The following BPTF variants were observed in gnomAD, a reference collection of about 807,000 sequenced individuals.
BPTF encodes nucleosome-remodeling factor subunit BPTF.
In BPTF, 18 loss-of-function variants were observed where a neutral mutation model predicts 292.5. The ratio of observed to expected loss-of-function variants is 0.06; its 90% CI spans 0.04 to 0.09. The LOEUF is 0.09. Ranked by LOEUF, BPTF falls within the 10% of genes least tolerant of loss-of-function variation. The pLI, the probability that BPTF is intolerant of heterozygous loss-of-function variation, is 1.00. For synonymous variants in BPTF, 1,225 were observed against 1,251.9 expected, an observed-to-expected ratio of 0.98 and a Z score of 0.45; for missense variants, 2,726 against 3,498.7, an observed-to-expected ratio of 0.78 and a Z score of 5.57.
intron 27 of BPTF, among the ~76,000 whole-genome samples, chr17:67,976,685 C>CAAAAAA (rs1156404121): frequency 1.8e-3 from 45 of 24,740 alleles, no homozygotes; most frequent in African/African-American, 3.0e-3. Flanking sequence ...GACCCTGTCT[C>CAAAAAA]AAAAAAAAAA....
chr17:67,878,616 A>G (rs1423208072), intron 4 of BPTF, among the ~76,000 whole-genome samples: 5 of 151,982 alleles, frequency 3.3e-5, no homozygotes, highest in African/African-American at 1.2e-4. Context: ...ATGTAGGGAT[A>G]TTTTACTGTT....
At chr17:67,945,133 G>A (rs552927746) in intron 20 of BPTF, among the ~76,000 whole-genome samples, 1 of 152,240 alleles carries the variant, frequency 6.6e-6, no homozygotes, top group Non-Finnish European at 1.5e-5. Context: ...ACTCCTGGAC[G>A]CAAGCAATCC....
intron 15 of BPTF, among the ~76,000 whole-genome samples, chr17:67,926,192 G>A (rs12952034): frequency 6.6e-6 from 1 of 150,564 alleles, no homozygotes; most frequent in African/African-American, 2.4e-5. Context: ...GTTTTTTGTA[G>A]AGATAGGACT....
At chr17:67,930,292 G>A (rs2147490159) in intron 17 of BPTF, among the ~76,000 whole-genome samples, 1 of 152,134 alleles carries the variant, frequency 6.6e-6, no homozygotes, top group Middle Eastern at 3.4e-3. Flanking sequence ...TCCACCTCCT[G>A]GGTTCAAGCG....
At chr17:67,948,336 C>A in intron 23 of BPTF, 30 bp downstream of exon 23, 2 of 1,568,106 alleles carry the variant, frequency 1.3e-6, no homozygotes, top group South Asian at 1.2e-5. Context: ...TCTTCTGTGT[C>A]CAGTGTTTAA....
chr17:67,973,287 T>C (rs1341638695), intron 26 of BPTF, among the ~76,000 whole-genome samples: 3 of 150,082 alleles, frequency 2.0e-5, no homozygotes, highest in Non-Finnish European at 4.4e-5. Flanking sequence ...GGCAGGAGAA[T>C]GGCCTGAACC....
chr17:67,958,382 G>A (rs782116098), intron 23 of BPTF, among the ~76,000 whole-genome samples: 2 of 152,084 alleles, frequency 1.3e-5, no homozygotes, highest in South Asian at 2.1e-4. Flanking sequence ...CCAAGATGGC[G>A]ATGAAAGTGA....
chr17:67,829,815 A>G (rs2056498378), intron 1 of BPTF, among the ~76,000 whole-genome samples: 1 of 152,200 alleles, frequency 6.6e-6, no homozygotes, highest in Non-Finnish European at 1.5e-5. Context: ...TACTGACGTG[A>G]CATTCCTAAC....
At chr17:67,841,470 A>G (rs1204509740) in intron 1 of BPTF, among the ~76,000 whole-genome samples, 1 of 152,170 alleles carries the variant, frequency 6.6e-6, no homozygotes, top group East Asian at 1.9e-4. Flanking sequence ...AGTATTTTAT[A>G]TTAGCAGTAA....
intron 27 of BPTF, among the ~76,000 whole-genome samples, chr17:67,977,388 G>A (rs141757726): frequency 1.8e-3 from 277 of 152,086 alleles, no homozygotes; most frequent in African/African-American, 6.3e-3. Flanking sequence ...AATGGTGCAC[G>A]CCTGTAGTCT....
intron 3 of BPTF, among the ~76,000 whole-genome samples, chr17:67,868,614 G>A (rs557205497): frequency 7.9e-5 from 12 of 152,314 alleles, no homozygotes; most frequent in Non-Finnish European, 1.6e-4. Flanking sequence ...AAATTATTAG[G>A]TAAGATTCTG....
chr17:67,917,206 C>T (rs2063095120), intron 11 of BPTF, among the ~76,000 whole-genome samples: 1 of 145,324 alleles, frequency 6.9e-6, no homozygotes, highest in Non-Finnish European at 1.5e-5. Flanking sequence ...GATCTCGGCT[C>T]ACTGCAACCT....
intron 1 of BPTF, among the ~76,000 whole-genome samples, chr17:67,832,701 C>G (rs1240528369): frequency 6.6e-6 from 1 of 151,774 alleles, no homozygotes; most frequent in African/African-American, 2.4e-5. Context: ...CCCGCACCGT[C>G]AGCATCACTC....
chr17:67,884,835 T>C lies in BPTF; in HGVS notation c.1865-7009T>C, dbSNP rs532750908. On this transcript the variant is annotated intron_variant, in intron 4 of 27. Transcript: ENST00000306378. ...TTTAGTGTATTTTGGGCTAGATTTC[T>C]AGACACAGGATTGCTGTGTTAAGTA... is the stretch of plus-strand genomic sequence containing the variant. Among the ~76,000 whole-genome samples, 8 of 152,300 alleles carry C rather than the reference T, an allele frequency of 5.3e-5. No homozygotes were observed. In the East Asian group the frequency reaches 1.2e-3, roughly 22 times the overall value.
intron 4 of BPTF, among the ~76,000 whole-genome samples, chr17:67,877,984 G>T (rs2060150174): frequency 6.6e-6 from 1 of 152,122 alleles, no homozygotes; most frequent in Non-Finnish European, 1.5e-5. Flanking sequence ...AATATTAAGT[G>T]AATAACTTGA....
At chr17:67,934,835 G>A (rs187829067) in intron 18 of BPTF, among the ~76,000 whole-genome samples, 5 of 122,782 alleles carry the variant, frequency 4.1e-5, no homozygotes, top group South Asian at 2.6e-4. Context: ...TGGTGCCATC[G>A]CACTCCAGCC....
chr17:67,929,471 C>T lies in BPTF; in HGVS notation c.6134C>T (p.Thr2045Ile). 6.2e-7 allele frequency: 1 copy of T among 1,614,080 alleles called. No homozygotes were observed. Among genetic ancestry groups the T allele is most frequent in the South Asian group, 1.1e-5 (1 of 91,070 alleles). ...IRPNTSGSGG[T>I]TSNSQVITGP... ...CCCAATACCTCAGGCTCTGGAGGAA[C>T]CACAAGCAATTCACAAGTAAGAATT... The change falls in exon 17 of 28, where the codon ACC becomes ATC. Residue 2045 changes from threonine to isoleucine, a missense_variant. By Grantham distance (89) the Thr-to-Ile change is moderately conservative. Transcript: ENST00000306378.
intron 2 of BPTF, among the ~76,000 whole-genome samples, chr17:67,855,934 A>G (rs1039149882): frequency 6.6e-6 from 1 of 152,166 alleles, no homozygotes; most frequent in African/African-American, 2.4e-5. Context: ...TTCGCTGTCT[A>G]TGGTGTTCTG....
At chr17:67,956,492 A>G (rs1303598496) in intron 23 of BPTF, 1 of 151,838 alleles carries the variant, frequency 6.6e-6, no homozygotes, top group Non-Finnish European at 1.5e-5. Context: ...TGATTTTTGT[A>G]TTTTTAGTAG....
Sources: allele counts gnomAD v4.1 joint callset (sites outside exome capture counted in the v4.1 genomes callset), GRCh38; gene constraint gnomAD v4.1.1; transcripts MANE v1.5; gene names NCBI Gene and HGNC (gene_info 2026-07-23, HGNC 2026-07-21).